The following CACNA2D3 variants were observed in gnomAD, a reference collection of about 807,000 sequenced individuals.
The protein encoded by CACNA2D3 is voltage-dependent calcium channel subunit alpha-2/delta-3.
Under a neutral mutation model 160.6 loss-of-function variants are expected in CACNA2D3, and 60 were observed. That is an observed-to-expected ratio of 0.37 (90% CI 0.30 to 0.46). CACNA2D3 has a LOEUF of 0.46. CACNA2D3 is among the 20% of genes least tolerant of loss of function. CACNA2D3 has a pLI of 1.00. For missense variants in CACNA2D3, 1,205 were observed against 1,365.0 expected, an observed-to-expected ratio of 0.88 and a Z score of 1.85; for synonymous variants, 558 against 492.9, an observed-to-expected ratio of 1.13 and a Z score of -1.75.
intron 11 of CACNA2D3, among the ~76,000 whole-genome samples, chr3:54,653,114 C>T (rs148108181): frequency 3.3e-5 from 5 of 152,150 alleles, no homozygotes; most frequent in African/African-American, 1.2e-4. Flanking sequence ...GAGGAGTGAA[C>T]TGACTGTTTT....
At chr3:54,819,327 C>T (rs1381733592) in intron 14 of CACNA2D3, among the ~76,000 whole-genome samples, 1 of 152,194 alleles carries the variant, frequency 6.6e-6, no homozygotes, top group African/African-American at 2.4e-5. Flanking sequence ...ACCTGTTCCT[C>T]GCACAGAGCC....
intron 9 of CACNA2D3, among the ~76,000 whole-genome samples, chr3:54,622,313 TC>T (rs1375876043): frequency 6.6e-6 from 1 of 152,212 alleles, no homozygotes; most frequent in African/African-American, 2.4e-5. Context: ...TCTCGCTCTT[TC>T]GCCCAGGCTG....
At chr3:54,767,422 A>G (rs1448533256) in intron 13 of CACNA2D3, among the ~76,000 whole-genome samples, 2 of 152,170 alleles carry the variant, frequency 1.3e-5, no homozygotes, top group Non-Finnish European at 2.9e-5. Flanking sequence ...AGCAATTCTG[A>G]ATCCATTTTG....
At chr3:54,517,677 A>G (rs549217679) in intron 5 of CACNA2D3, among the ~76,000 whole-genome samples, 3 of 152,274 alleles carry the variant, frequency 2.0e-5, no homozygotes, top group African/African-American at 4.8e-5. Context: ...TTCATGCCCA[A>G]CAGAGGTTCT....
chr3:54,232,248 T>G (rs1701784682), intron 2 of CACNA2D3, among the ~76,000 whole-genome samples: 1 of 152,184 alleles, frequency 6.6e-6, no homozygotes, highest in Non-Finnish European at 1.5e-5. Context: ...TACTGAATCC[T>G]TTGAAGCTTG....
intron 16 of CACNA2D3, among the ~76,000 whole-genome samples, chr3:54,842,151 C>T (rs1253977566): frequency 2.0e-5 from 3 of 152,162 alleles, no homozygotes; most frequent in African/African-American, 7.2e-5. Flanking sequence ...TCAGAGCTGC[C>T]CTTCCTTTGT....
intron 4 of CACNA2D3, among the ~76,000 whole-genome samples, chr3:54,445,067 C>G (rs968316821): frequency 2.0e-5 from 3 of 152,198 alleles, no homozygotes; most frequent in Non-Finnish European, 4.4e-5. Flanking sequence ...CCACCTGTAA[C>G]AGGCAGGTAG....
chr3:54,667,910 G>A (rs1700095961), intron 11 of CACNA2D3, among the ~76,000 whole-genome samples: 2 of 150,748 alleles, frequency 1.3e-5, no homozygotes, highest in Admixed American at 6.6e-5. Flanking sequence ...TTACGTGACT[G>A]CACTCCAGCC....
At chr3:54,813,382 TGAG>T (rs1161361458) in intron 13 of CACNA2D3, among the ~76,000 whole-genome samples, 4 of 152,146 alleles carry the variant, frequency 2.6e-5, no homozygotes, top group African/African-American at 7.2e-5. Context: ...CTCATGATGA[TGAG>T]AAGTGCCCAG....
intron 2 of CACNA2D3, among the ~76,000 whole-genome samples, chr3:54,171,301 C>T (rs1326004688): frequency 6.6e-6 from 1 of 151,800 alleles, no homozygotes; most frequent in Non-Finnish European, 1.5e-5. Context: ...ACCAAATTCT[C>T]GAGTGCTATC....
chr3:54,690,391 CA>C (rs1559550569), intron 11 of CACNA2D3, among the ~76,000 whole-genome samples: 1 of 152,096 alleles, frequency 6.6e-6, no homozygotes, highest in Non-Finnish European at 1.5e-5. Context: ...CGTTTGCACA[CA>C]GGGATGGGGA....
rs557059637 is a variant in CACNA2D3 at position 54,250,962 on chromosome 3, G to A, written c.205-69480G>A. Reference sequence around the variant, plus strand: ...ATTTGAAGGCCAATGACAGGAAGGAGTAAAGATCTGAGTAAAGAGCATTCT... The same window carrying A: ...ATTTGAAGGCCAATGACAGGAAGGAATAAAGATCTGAGTAAAGAGCATTCT... On this transcript the variant is annotated intron_variant, in intron 2 of 37. Coordinates refer to ENST00000474759, the MANE Select transcript of CACNA2D3 (RefSeq NM_018398.3). Among the ~76,000 whole-genome samples the A allele has an allele frequency of 2.6e-5, 4 of 152,104 alleles. No individual in the cohort carries two copies. The South Asian group carries it at 8.4e-4, about 32-fold the overall frequency.
rs560333425 is a variant in CACNA2D3 at position 54,400,409 on chromosome 3, G to T, written c.381+13635G>T. On this transcript the variant is annotated intron_variant, in intron 4 of 37. Coordinates refer to ENST00000474759, the MANE Select transcript of CACNA2D3 (RefSeq NM_018398.3). Reference sequence around the variant, plus strand: ...ACGACTCCTCTTCCATGGATATTCTGAGCACCTGTTTCCTGGAACTCAGCA... The same window carrying T: ...ACGACTCCTCTTCCATGGATATTCTTAGCACCTGTTTCCTGGAACTCAGCA... Among the ~76,000 whole-genome samples the T allele has an allele frequency of 2.6e-5, 4 of 152,098 alleles. No homozygotes were observed. The South Asian group carries it at 8.3e-4, about 32-fold the overall frequency.
At chr3:54,880,741 A>G (rs1699775175) in intron 20 of CACNA2D3, 55 bp from the exon 21 acceptor site, 2 of 1,374,776 alleles carry the variant, frequency 1.5e-6, no homozygotes, top group South Asian at 2.3e-5. Flanking sequence ...TTAGCCCACA[A>G]GTCTATTCGA....
In CACNA2D3 at chr3:54,862,378, T is replaced by TACAC. The variant is rs113055285; in HGVS notation, c.1627-9138_1627-9135dup. On this transcript the variant is annotated intron_variant, in intron 17 of 37. Coordinates refer to ENST00000474759, the MANE Select transcript of CACNA2D3 (RefSeq NM_018398.3). ...AACCAAGCATCTCCCTAAATAAAAT[T>TACAC]ACACACACACACACACACACACACA... is the stretch of plus-strand genomic sequence containing the variant. Among the ~76,000 whole-genome samples the TACAC allele has an allele frequency of 2.9e-3, 427 of 149,656 alleles. 3 individuals carry two copies. The highest frequency in any genetic ancestry group is 9.3e-3 in the South Asian group (44 of 4,706).
intron 5 of CACNA2D3, among the ~76,000 whole-genome samples, chr3:54,512,122 C>T (rs768150222): frequency 1.4e-4 from 21 of 152,252 alleles, no homozygotes; most frequent in South Asian, 6.2e-4. Flanking sequence ...TTAAGAAGCA[C>T]GGTAGAGACC....
At chr3:54,834,529 A>G (rs891068924) in intron 14 of CACNA2D3, among the ~76,000 whole-genome samples, 1 of 152,214 alleles carries the variant, frequency 6.6e-6, no homozygotes, top group African/African-American at 2.4e-5. Flanking sequence ...TACAGACTGT[A>G]TATACTGGTT....
chr3:54,174,313 T>G (rs1358850389), intron 2 of CACNA2D3, among the ~76,000 whole-genome samples: 2 of 152,066 alleles, frequency 1.3e-5, no homozygotes, highest in Admixed American at 1.3e-4. Context: ...CCATACAGAC[T>G]CCCCCTTCAG....
chr3:54,489,310 TG>T (rs1701069645), intron 4 of CACNA2D3, among the ~76,000 whole-genome samples: 3 of 152,206 alleles, frequency 2.0e-5, no homozygotes, highest in Non-Finnish European at 4.4e-5. Context: ...GGATCAGATG[TG>T]GGAGACGACT....
Sources: allele counts gnomAD v4.1 joint callset (sites outside exome capture counted in the v4.1 genomes callset), GRCh38; gene constraint gnomAD v4.1.1; transcripts MANE v1.5; gene names NCBI Gene and HGNC (gene_info 2026-07-23, HGNC 2026-07-21).